The following RBFOX1 variants were observed in gnomAD, a reference collection of about 807,000 sequenced individuals.
RBFOX1 encodes the protein RNA binding fox-1 homolog 1.
In RBFOX1, 8 loss-of-function variants were observed where a neutral mutation model predicts 57.7. The observed-to-expected ratio is 0.14, with a 90% CI of 0.08 to 0.25. The LOEUF is 0.25. Ranked by LOEUF, RBFOX1 falls within the 10% of genes least tolerant of loss-of-function variation. The pLI, the probability that RBFOX1 is intolerant of heterozygous loss-of-function variation, is 1.00. For missense variants in RBFOX1, 611 were observed against 548.5 expected (o/e 1.11, Z -1.14); for synonymous variants, 326 against 222.4 (o/e 1.47, Z -4.15).
intron 3 of RBFOX1, among the ~76,000 whole-genome samples, chr16:6,972,424 T>C (rs528897359): frequency 6.6e-6 from 1 of 152,230 alleles, no homozygotes; most frequent in East Asian, 1.9e-4. Flanking sequence ...TGTTTCTTCG[T>C]TTTTCAAGGC....
At chr16:6,701,679 T>A (rs902734527) in intron 3 of RBFOX1, among the ~76,000 whole-genome samples, 3 of 152,072 alleles carry the variant, frequency 2.0e-5, no homozygotes, top group Non-Finnish European at 4.4e-5. Context: ...CTATTCATAA[T>A]AGCAAAGACA....
intron 3 of RBFOX1, among the ~76,000 whole-genome samples, chr16:5,835,688 G>A (rs1479442962): frequency 1.3e-5 from 2 of 152,226 alleles, no homozygotes; most frequent in African/African-American, 4.8e-5. Flanking sequence ...GAGGAAAACA[G>A]TCTCATCTGC....
rs374935172 is a variant in RBFOX1, at chr16:6,731,888, C to T, written c.-16+77238C>T. On this transcript the variant is annotated intron_variant, in intron 3 of 15. Coordinates refer to ENST00000550418, the MANE Select transcript of RBFOX1 (RefSeq NM_018723.4). ...AGGGGAATCCAAACAAACAAAGTAT[C>T]TGGGTCTTCCTATGTTTTCTTGCAC... 2.2e-4 allele frequency among the ~76,000 whole-genome samples: 34 copies of T among 152,240 alleles called. 1 individual carries two copies. In the South Asian group the frequency reaches 6.4e-3, roughly 29 times the overall value.
At chr16:7,105,619 G>C (rs1035588657) in intron 4 of RBFOX1, among the ~76,000 whole-genome samples, 60 of 152,028 alleles carry the variant, frequency 3.9e-4, no homozygotes, top group African/African-American at 1.4e-3. Flanking sequence ...ATCTCATCCA[G>C]GTTGCTGCGA....
At chr16:5,421,756 A>C (rs2067334486) in intron 1 of RBFOX1, among the ~76,000 whole-genome samples, 1 of 152,240 alleles carries the variant, frequency 6.6e-6, no homozygotes, top group Non-Finnish European at 1.5e-5. Flanking sequence ...TTTTGCAAAG[A>C]ATATGCAAAT....
At chr16:6,889,415 C>T (rs766014530) in intron 3 of RBFOX1, among the ~76,000 whole-genome samples, 2 of 152,160 alleles carry the variant, frequency 1.3e-5, no homozygotes, top group Non-Finnish European at 2.9e-5. Flanking sequence ...GCTCTGTCAA[C>T]TTGGATTTCC....
intron 4 of RBFOX1, among the ~76,000 whole-genome samples, chr16:7,125,247 T>C (rs888029668): frequency 3.3e-5 from 5 of 152,114 alleles, no homozygotes; most frequent in Non-Finnish European, 5.9e-5. Flanking sequence ...GATAGAACTT[T>C]GGGGTTGTCG....
rs563558743 is a variant in RBFOX1 at position 7,359,976 on chromosome 16, T to G, written c.28-158171T>G. 1.3e-3 allele frequency among the ~76,000 whole-genome samples: 192 copies of G among 144,868 alleles called. 1 individual carries two copies. Among genetic ancestry groups the G allele is most frequent in the African/African-American group, 4.6e-3 (177 of 38,714 alleles). On this transcript the variant is annotated intron_variant, in intron 4 of 15. Coordinates refer to ENST00000550418, the MANE Select transcript of RBFOX1 (RefSeq NM_018723.4). Reference sequence around the variant, plus strand: ...TCCAGCCTGGGTGACAGAGCGAGACTCTGTCTCAAAAAAAAACAAAAAACA... The same window carrying G: ...TCCAGCCTGGGTGACAGAGCGAGACGCTGTCTCAAAAAAAAACAAAAAACA...
At chr16:7,050,744 G>A (rs867467654) in intron 3 of RBFOX1, among the ~76,000 whole-genome samples, 1 of 151,998 alleles carries the variant, frequency 6.6e-6, no homozygotes, top group South Asian at 2.1e-4. Flanking sequence ...CATACTATCA[G>A]TATACTATAT....
chr16:5,383,348 C>T (rs2066176186), intron 1 of RBFOX1, among the ~76,000 whole-genome samples: 1 of 152,196 alleles, frequency 6.6e-6, no homozygotes. Flanking sequence ...GCCGCTCAGA[C>T]CTGAGTTGGC....
intron 4 of RBFOX1, among the ~76,000 whole-genome samples, chr16:7,395,125 T>C (rs1483680896): frequency 6.6e-6 from 1 of 152,156 alleles, no homozygotes; most frequent in Admixed American, 6.5e-5. Flanking sequence ...AATCTGTAGC[T>C]AAGAACTGCT....
intron 2 of RBFOX1, among the ~76,000 whole-genome samples, chr16:5,512,224 C>G (rs1449998072): frequency 6.6e-6 from 1 of 152,168 alleles, no homozygotes; most frequent in Admixed American, 6.5e-5. Context: ...GCACACAGTG[C>G]AGCTGAAACT....
intron 3 of RBFOX1, among the ~76,000 whole-genome samples, chr16:7,025,831 A>C (rs973554508): frequency 6.6e-6 from 1 of 152,180 alleles, no homozygotes; most frequent in African/African-American, 2.4e-5. Flanking sequence ...CATATCTGAC[A>C]GCAACCCCAG....
At chr16:6,911,407 C>T (rs1223347190) in intron 3 of RBFOX1, among the ~76,000 whole-genome samples, 1 of 152,124 alleles carries the variant, frequency 6.6e-6, no homozygotes, top group Non-Finnish European at 1.5e-5. Context: ...CTGTTCCATG[C>T]CCCTCCCTGT....
chr16:6,314,986 T>C (rs992530392), intron 1 of RBFOX1, among the ~76,000 whole-genome samples: 5 of 152,236 alleles, frequency 3.3e-5, no homozygotes, highest in African/African-American at 1.2e-4. Context: ...CCGGTGAAGA[T>C]CTGTCTATCT....
chr16:5,418,914 A>C (rs112706754), intron 1 of RBFOX1, among the ~76,000 whole-genome samples: 1,599 of 152,310 alleles, frequency 0.01, 38 homozygotes, highest in African/African-American at 0.037. Flanking sequence ...ACAATGCAGG[A>C]AGGGTGGTGC....
At chr16:7,289,276 G>A (rs1351277089) in intron 4 of RBFOX1, among the ~76,000 whole-genome samples, 10 of 152,152 alleles carry the variant, frequency 6.6e-5, no homozygotes, top group Admixed American at 3.9e-4. Context: ...TTAAAGAGAT[G>A]GCTCCCTTTG....
intron 1 of RBFOX1, among the ~76,000 whole-genome samples, chr16:6,145,148 C>T (rs1040730961): frequency 6.6e-6 from 1 of 151,948 alleles, no homozygotes; most frequent in Admixed American, 6.6e-5. Context: ...ATTAAGCCTA[C>T]TGCCCATTAG....
intron 3 of RBFOX1, among the ~76,000 whole-genome samples, chr16:5,709,820 T>TAC (rs2051391182): frequency 7.9e-5 from 1 of 12,656 alleles, no homozygotes; most frequent in African/African-American, 3.0e-4. Context: ...TATATATATA[T>TAC]ATATATATAT....
Sources: allele counts gnomAD v4.1 joint callset (sites outside exome capture counted in the v4.1 genomes callset), GRCh38; gene constraint gnomAD v4.1.1; transcripts MANE v1.5; gene names NCBI Gene and HGNC (gene_info 2026-07-23, HGNC 2026-07-21).